Variants in FNIP1 observed in about 807,000 individuals in gnomAD.
The protein encoded by FNIP1 is folliculin interacting protein 1, also known as folliculin-interacting protein 1.
FNIP1 carries 40 observed loss-of-function variants against 124.5 expected under a neutral mutation model. The observed-to-expected ratio is 0.32, with a 90% CI of 0.25 to 0.42. The LOEUF (loss-of-function observed/expected upper bound fraction) is 0.42, where lower values mean the gene tolerates loss of function less well. Ranked by LOEUF, FNIP1 falls within the 10% of genes least tolerant of loss-of-function variation. The probability of loss-of-function intolerance (pLI) is 1.00; values close to 1 mark genes in which losing one functional copy is unlikely to be tolerated. For synonymous variants in FNIP1, 472 were observed against 470.6 expected (o/e 1.00, Z -0.04); for missense variants, 1,176 against 1,403.7 (o/e 0.84, Z 2.59).
chr5:131,679,687 A>G (rs571068378), intron 11 of FNIP1, among the ~76,000 whole-genome samples: 8 of 152,212 alleles, frequency 5.3e-5, no homozygotes, highest in Non-Finnish European at 1.2e-4. Context: ...AACAGTATAC[A>G]TACATGCTAC....
chr5:131,718,948 A>G (rs780516177), intron 5 of FNIP1, 38 bp downstream of exon 5: 11 of 1,552,992 alleles, frequency 7.1e-6, no homozygotes, highest in Admixed American at 6.7e-5. Flanking sequence ...TTGCACATCT[A>G]AAGTGATACA....
chr5:131,666,823 T>C (rs975121730), intron 15 of FNIP1, among the ~76,000 whole-genome samples: 5 of 152,290 alleles, frequency 3.3e-5, no homozygotes. Flanking sequence ...GAGACAGCAA[T>C]GTTTTCCAAC....
chr5:131,748,696 CAAAAAAAAAAAAGAAA>C (rs1299199830), intron 1 of FNIP1, among the ~76,000 whole-genome samples: 2 of 99,926 alleles, frequency 2.0e-5, no homozygotes, highest in Admixed American at 2.3e-4. Flanking sequence ...GACTCTGTCT[CAAAAAAAAAAAAGAAA>C]AAAAAAAAAA....
chr5:131,699,492 C>A (rs1310598946), intron 10 of FNIP1, among the ~76,000 whole-genome samples: 1 of 150,124 alleles, frequency 6.7e-6, no homozygotes, highest in African/African-American at 2.5e-5. Flanking sequence ...CACCCGGGTT[C>A]AAGCGATTTT....
At chr5:131,778,606 G>A (rs991160760) in intron 1 of FNIP1, among the ~76,000 whole-genome samples, 2 of 125,498 alleles carry the variant, frequency 1.6e-5, no homozygotes, top group Non-Finnish European at 3.3e-5. Context: ...CAGGGATCTA[G>A]AACTAGAAAT....
intron 11 of FNIP1, among the ~76,000 whole-genome samples, chr5:131,681,171 T>C (rs1052655437): frequency 6.6e-6 from 1 of 152,194 alleles, no homozygotes; most frequent in African/African-American, 2.4e-5. Flanking sequence ...TTCCTGGCAT[T>C]TGTATCTTTC....
intron 1 of FNIP1, among the ~76,000 whole-genome samples, chr5:131,792,021 G>GA (rs968898971): frequency 6.6e-6 from 1 of 152,160 alleles, no homozygotes; most frequent in African/African-American, 2.4e-5. Flanking sequence ...TCTGGTTCCT[G>GA]AAAGCCATGT....
At chr5:131,701,592 T>C (rs1291610875) in intron 10 of FNIP1, among the ~76,000 whole-genome samples, 2 of 152,236 alleles carry the variant, frequency 1.3e-5, no homozygotes, top group Non-Finnish European at 2.9e-5. Context: ...GAACTATTTA[T>C]TTTTTGACAT....
intron 2 of FNIP1, among the ~76,000 whole-genome samples, chr5:131,738,811 C>G (rs950041579): frequency 1.4e-5 from 2 of 143,680 alleles, no homozygotes; most frequent in African/African-American, 5.9e-5. Flanking sequence ...CTGCATCCGG[C>G]CTTTTTTTTT....
At chr5:131,795,833 ATTG>A (rs1324201170) in intron 1 of FNIP1, 1 of 152,094 alleles carries the variant, frequency 6.6e-6, no homozygotes, top group African/African-American at 2.4e-5. Flanking sequence ...TGTTTCTACT[ATTG>A]TTGTACAACT....
At chr5:131,690,458 T>C (rs1241530788) in intron 11 of FNIP1, among the ~76,000 whole-genome samples, 1 of 152,080 alleles carries the variant, frequency 6.6e-6, no homozygotes, top group Non-Finnish European at 1.5e-5. Flanking sequence ...CCCCATGCTG[T>C]TCTTGTGATA....
At chr5:131,784,263 C>T (rs1440087009) in intron 1 of FNIP1, among the ~76,000 whole-genome samples, 1 of 152,034 alleles carries the variant, frequency 6.6e-6, no homozygotes, top group Admixed American at 6.5e-5. Flanking sequence ...TATAGAAATA[C>T]TAATGATTTC....
In FNIP1 at chr5:131,718,989, T is replaced by A; in HGVS notation, c.527A>T (p.Asn176Ile). The A allele has an allele frequency of 6.2e-7, 1 of 1,612,942 alleles. No homozygotes were observed. Among genetic ancestry groups the A allele is most frequent in the East Asian group, 2.2e-5 (1 of 44,852 alleles). The change falls in exon 5 of 18, where the codon AAT becomes ATT. Residue 176 changes from asparagine to isoleucine, a missense_variant. Physicochemically the swap from Asn to Ile is moderately radical, Grantham distance 149. Coordinates refer to ENST00000510461, the MANE Select transcript of FNIP1 (RefSeq NM_133372.3). ...RTGSSICGSL[N>I]TLQDSLEFIN... The stretch of plus-strand genomic sequence containing the variant: ...CCCTGTATCCATAAGCACTTACGTA[T>A]TGAGACTCCCACAAATACTGCTGCC...
chr5:131,755,129 A>G (rs1771003026), intron 1 of FNIP1, among the ~76,000 whole-genome samples: 2 of 152,114 alleles, frequency 1.3e-5, no homozygotes, highest in Admixed American at 1.3e-4. Flanking sequence ...TTGATGAAAA[A>G]TGGTCTGGTG....
chr5:131,776,402 C>G (rs1467874717), intron 1 of FNIP1, among the ~76,000 whole-genome samples: 2 of 152,162 alleles, frequency 1.3e-5, no homozygotes, highest in Non-Finnish European at 2.9e-5. Flanking sequence ...CTAAAGTATT[C>G]AGCATCTGTC....
intron 11 of FNIP1, among the ~76,000 whole-genome samples, chr5:131,693,164 A>G (rs961709377): frequency 1.3e-5 from 2 of 149,878 alleles, no homozygotes; most frequent in East Asian, 1.9e-4. Flanking sequence ...GAGGTAATAG[A>G]TATGTTAAAT....
chr5:131,744,601 G>A lies in FNIP1; in HGVS notation c.182C>T (p.Ser61Phe), dbSNP rs1770613137. 1 of 1,609,460 alleles carries A rather than the reference G, an allele frequency of 6.2e-7. No individual in the cohort carries two copies. Among genetic ancestry groups the A allele is most frequent in the East Asian group, 2.2e-5 (1 of 44,608 alleles). ...GTCCTCATTTCTTCTCTTAACACTGGAGTCAAACAAAACATTTCTCCCTCG... is the reference window on the plus strand; with the variant it reads ...GTCCTCATTTCTTCTCTTAACACTGAAGTCAAACAAAACATTTCTCCCTCG... ...ERRGRNVLFDSSVKRRNEDIS... is the reference protein window; with the variant it reads ...ERRGRNVLFDFSVKRRNEDIS... Residue 61 changes from serine (S) to phenylalanine (F), a missense_variant, in exon 2 of 18, where the codon TCC becomes TTC. Ser to Phe is a radical substitution (Grantham distance 155). This residue lies in a region of FNIP1 where 1,109 missense variants were observed against 1,288.5 expected (regional missense o/e 0.86). Transcript: ENST00000510461.
At chr5:131,772,076 T>C (rs1771653086) in intron 1 of FNIP1, among the ~76,000 whole-genome samples, 1 of 152,152 alleles carries the variant, frequency 6.6e-6, no homozygotes, top group African/African-American at 2.4e-5. Flanking sequence ...AAAAATACAC[T>C]ACTGATACAT....
chr5:131,794,849 T>C (rs1050122402), intron 1 of FNIP1, among the ~76,000 whole-genome samples: 1 of 152,212 alleles, frequency 6.6e-6, no homozygotes, highest in African/African-American at 2.4e-5. Context: ...AAAGTATCAG[T>C]GACTGCCACG....
Sources: allele counts gnomAD v4.1 joint callset (sites outside exome capture counted in the v4.1 genomes callset), GRCh38; gene constraint gnomAD v4.1.1; regional missense constraint gnomAD v4.1.1; transcripts MANE v1.5; gene names NCBI Gene and HGNC (gene_info 2026-07-23, HGNC 2026-07-21).